SAMD11: variants seen among roughly 807,000 people sequenced by gnomAD.
SAMD11 encodes the protein sterile alpha motif domain containing 11.
In SAMD11, 77 loss-of-function variants were observed where a neutral mutation model predicts 64.4. That is an observed-to-expected ratio of 1.20 (90% CI 0.99 to 1.44). SAMD11 has a LOEUF of 1.44. Among genes scored for constraint, SAMD11 ranks in the 40% most tolerant of loss-of-function variants. The pLI is 0.00. For synonymous variants in SAMD11, 658 were observed against 421.9 expected (o/e 1.56, Z -6.86); for missense variants, 1,402 against 943.3 (o/e 1.49, Z -6.37).
intron 4 of SAMD11, among the ~76,000 whole-genome samples, chr1:935,104 TGGATGTGGGATTG>T (rs1394441469): frequency 2.6e-5 from 4 of 151,830 alleles, no homozygotes; most frequent in Non-Finnish European, 5.9e-5. Context: ...TGGGACTCTG[TGGATGTGGGATTG>T]GGCTGAATTA....
At position 935,883 on chromosome 1, in the gene SAMD11, C is replaced by T; in HGVS notation, c.954C>T (p.Gly318=). The stretch of plus-strand genomic sequence containing the variant: ...TCCAGAGAGGCAGCCTGGAGATTGG[C>T]CTGCGACCCGCCGGTGAGGAGCACA... ...CEFQRGSLEI[G]LRPAGDLLGK... The change falls in exon 5 of 14, where the codon GGC becomes GGT. Residue 318 remains glycine, a synonymous_variant. Transcript: ENST00000616016. 1 of 1,612,374 alleles carries T rather than the reference C, an allele frequency of 6.2e-7. No homozygotes were observed.
rs1445628341 is a variant in SAMD11, at chr1:942,893, A to G, written c.1888A>G (p.Lys630Glu). Residue 630 changes from lysine to glutamate, a missense_variant, in exon 11 of 14, where the codon AAA becomes GAA. Lys to Glu is a moderately conservative substitution (Grantham distance 56, BLOSUM62 1). Transcript: ENST00000616016. Reference sequence around the variant, plus strand: ...AGATGGCTCGGAAGACGAGCCCCCCAAAGACTCGGACGGAGAGGACCCCGA... The same window carrying G: ...AGATGGCTCGGAAGACGAGCCCCCCGAAGACTCGGACGGAGAGGACCCCGA... ...AQDGSEDEPP[K>E]DSDGEDPETA... 1 of 1,555,540 alleles carries G rather than the reference A, an allele frequency of 6.4e-7. No individual in the cohort carries two copies. The highest frequency in any genetic ancestry group is 8.7e-7 in the Non-Finnish European group (1 of 1,149,808).
chr1:931,658 C>T (rs1208331683), intron 4 of SAMD11, among the ~76,000 whole-genome samples: 2 of 152,198 alleles, frequency 1.3e-5, no homozygotes. Flanking sequence ...AGGCGGGAGC[C>T]ACCGAAAGTT....
At chr1:928,566 C>T (rs1477160650) in intron 2 of SAMD11, among the ~76,000 whole-genome samples, 2 of 152,262 alleles carry the variant, frequency 1.3e-5, no homozygotes, top group Non-Finnish European at 2.9e-5. Context: ...GAGGCCCGGG[C>T]ACAGACAGGC....
At chr1:933,802 C>G (rs1343857722) in intron 4 of SAMD11, among the ~76,000 whole-genome samples, 1 of 152,070 alleles carries the variant, frequency 6.6e-6, no homozygotes, top group Non-Finnish European at 1.5e-5. Flanking sequence ...TCATCTAGGT[C>G]TCCTGGAAGG....
Position 943,366 on chromosome 1 carries a change from G to A in SAMD11, c.2167G>A (p.Glu723Lys), listed in dbSNP as rs1447814461. The A allele has an allele frequency of 6.4e-7, 1 of 1,561,588 alleles. No homozygotes were observed. Among genetic ancestry groups the A allele is most frequent in the East Asian group, 2.3e-5 (1 of 44,146 alleles). The change falls in exon 12 of 14, where the codon GAG (glutamate) becomes AAG (lysine). Residue 723 changes from glutamate (E) to lysine (K), a missense_variant. Glu to Lys is a moderately conservative substitution (Grantham distance 56). Transcript: ENST00000616016. ...SFVGGLSGCG[E>K]YTRVFREQGI... ...CGTGGGGGGCCTGTCTGGCTGTGGAGAGTACACTCGGGTAAGGGGGGGCCC... is the reference window on the plus strand; with the variant it reads ...CGTGGGGGGCCTGTCTGGCTGTGGAAAGTACACTCGGGTAAGGGGGGGCCC...
At chr1:928,125 G>T (rs538589026) in intron 2 of SAMD11, among the ~76,000 whole-genome samples, 10 of 152,226 alleles carry the variant, frequency 6.6e-5, no homozygotes, top group African/African-American at 2.4e-4. Context: ...CGGGTGTGGT[G>T]GCGCATGCCT....
rs748747105 is a variant in SAMD11 at position 943,801 on chromosome 1, G to A, written c.2282G>A (p.Arg761Gln). The A allele has an allele frequency of 2.4e-5, 39 of 1,612,744 alleles. No homozygotes were observed. Among genetic ancestry groups the A allele is most frequent in the Middle Eastern group, 1.7e-4 (1 of 5,916 alleles). The change falls in exon 13 of 14, where the codon CGG becomes CAG. Residue 761 changes from arginine (R) to glutamine (Q), a missense_variant. Arg to Gln is a conservative substitution (Grantham distance 43, BLOSUM62 1). Transcript: ENST00000616016. ...GLKLGPALKI[R>Q]AQVARRLGRV... ...AAGCTGGGGCCCGCCCTCAAGATCCGGGCCCAGGTGAGACGCTGGGGAGTG... is the reference window on the plus strand; with the variant it reads ...AAGCTGGGGCCCGCCCTCAAGATCCAGGCCCAGGTGAGACGCTGGGGAGTG...
chr1:942,982 C>A lies in SAMD11; in HGVS notation c.1977C>A (p.Ala659=). The change falls in exon 11 of 14, where the codon GCC becomes GCA. Residue 659 remains alanine (A), a synonymous_variant. Transcript: ENST00000616016. ...AAGCTCCAGCTGGAGGGGCCGGCGC[C>A]GAGGGGAAGGGGCTTTTCCCAGGGT... ...PGQAPAGGAG[A]EGKGLFPGST... The A allele has an allele frequency of 6.5e-7, 1 of 1,537,470 alleles. No homozygotes were observed. The highest frequency in any genetic ancestry group is 2.4e-5 in the East Asian group (1 of 41,850).
In SAMD11 at chr1:943,782, G is replaced by A; in HGVS notation, c.2263G>A (p.Gly755Arg). 1 of 1,612,614 alleles carries A rather than the reference G, an allele frequency of 6.2e-7. No individual in the cohort carries two copies. Among genetic ancestry groups the A allele is most frequent in the Non-Finnish European group, 8.5e-7 (1 of 1,179,912 alleles). ...HLLTNMGLKLGPALKIRAQVA... is the reference protein window; with the variant it reads ...HLLTNMGLKLRPALKIRAQVA... ...GCTGACCAACATGGGGCTGAAGCTGGGGCCCGCCCTCAAGATCCGGGCCCA... is the reference window on the plus strand; with the variant it reads ...GCTGACCAACATGGGGCTGAAGCTGAGGCCCGCCCTCAAGATCCGGGCCCA... The change falls in exon 13 of 14, where the codon GGG (glycine) becomes AGG (arginine). Residue 755 changes from glycine to arginine, a missense_variant. Transcript: ENST00000616016.
At chr1:939,589 G>T (rs1303636628) in intron 7 of SAMD11, 177 bp downstream of exon 7, 2 of 1,197,598 alleles carry the variant, frequency 1.7e-6, no homozygotes, top group Non-Finnish European at 2.3e-6. Context: ...CACACGTCCT[G>T]CCCCATGCCC....
At chr1:936,855 C>T (rs1277341873) in intron 5 of SAMD11, among the ~76,000 whole-genome samples, 6 of 152,178 alleles carry the variant, frequency 3.9e-5, no homozygotes, top group Non-Finnish European at 7.4e-5. Context: ...TCCAGCAGAG[C>T]GGAGGGAGCC....
intron 8 of SAMD11, among the ~76,000 whole-genome samples, chr1:941,890 C>T (rs1454440898): frequency 6.6e-6 from 1 of 152,100 alleles, no homozygotes; most frequent in Non-Finnish European, 1.5e-5. Context: ...CAGGCGGGGC[C>T]GGCGCCCCGC....
intron 6 of SAMD11, 72 bp downstream of exon 6, chr1:939,201 G>T (rs776716889): frequency 1.3e-6 from 2 of 1,550,770 alleles, no homozygotes; most frequent in Non-Finnish European, 1.7e-6. Flanking sequence ...CCTGGACCTC[G>T]AGCAGGCACT....
intron 1 of SAMD11, chr1:925,336 C>CG (rs1273273900): frequency 1.3e-4 from 19 of 150,734 alleles, no homozygotes; most frequent in Non-Finnish European, 2.5e-4. Flanking sequence ...GAGCGCGCGG[C>CG]GGGGGAGGCT....
At chr1:931,977 A>G (rs1288762405) in intron 4 of SAMD11, among the ~76,000 whole-genome samples, 1 of 152,224 alleles carries the variant, frequency 6.6e-6, no homozygotes, top group Non-Finnish European at 1.5e-5. Flanking sequence ...CGTCTGCCAC[A>G]AGGCCAGCTT....
Position 924,848 on chromosome 1 carries a change from G to C in SAMD11, c.417G>C (p.Pro139=), listed in dbSNP as rs576897078. The C allele has an allele frequency of 2.0e-5, 3 of 152,356 alleles. No individual in the cohort carries two copies. The highest frequency in any genetic ancestry group is 2.0e-4 in the Admixed American group (3 of 15,306). The allele number at this position is 152,356 out of a possible 1,614,324, so 9.4% of individuals were successfully genotyped here. A position where few individuals can be genotyped will look rare whatever the true frequency, so the allele number is the denominator to read the frequency against. ...AACTCTGCCAGGGCAGCAAGGGCCC[G>C]TCCATCCGCCACCGCGGCGAGTGGC... is the stretch of plus-strand genomic sequence containing the variant. ...VRKLCQGSKG[P]SIRHRGEWLT... The change falls in exon 1 of 14, where the codon CCG becomes CCC. Residue 139 remains proline (P), a synonymous_variant. Transcript: ENST00000616016.
chr1:944,446 G>A lies in SAMD11; in HGVS notation c.*293G>A, dbSNP rs769725768. ...ACTGGTCTCGGTCTGCTGACGTCAG[G>A]GTCAGCTCCCCCGCGGAGCTGACTT... On this transcript the variant is annotated 3_prime_UTR_variant, in exon 14 of 14. Transcript: ENST00000616016. 2 of 919,602 alleles carry A rather than the reference G, an allele frequency of 2.2e-6. No homozygotes were observed. The highest frequency in any genetic ancestry group is 3.1e-6 in the Non-Finnish European group (2 of 655,624). The allele number at this position is 919,602 out of a possible 1,614,324, so 57.0% of individuals were successfully genotyped here.
At chr1:936,112 T>A (rs1326175185) in intron 5 of SAMD11, among the ~76,000 whole-genome samples, 1 of 152,148 alleles carries the variant, frequency 6.6e-6, no homozygotes, top group East Asian at 1.9e-4. Flanking sequence ...GCCGCTGGGG[T>A]GGGCTTGGAG....
Sources: allele counts gnomAD v4.1 joint callset (sites outside exome capture counted in the v4.1 genomes callset), GRCh38; gene constraint gnomAD v4.1.1; transcripts MANE v1.5; gene names NCBI Gene and HGNC (gene_info 2026-07-23, HGNC 2026-07-21).